The following IL3RA variants were observed in gnomAD, a reference collection of about 807,000 sequenced individuals.
The protein encoded by IL3RA is interleukin-3 receptor subunit alpha.
A neutral mutation model predicts 52.3 loss-of-function variants in IL3RA; 73 were observed. The observed-to-expected ratio is 1.40, with a 90% CI of 1.16 to 1.70. The LOEUF (loss-of-function observed/expected upper bound fraction) is 1.70, where lower values mean the gene tolerates loss of function less well. IL3RA is among the 40% of genes most tolerant of loss of function. The probability of loss-of-function intolerance (pLI) is 0.00; values close to 1 mark genes in which losing one functional copy is unlikely to be tolerated. For missense variants in IL3RA, 664 were observed against 504.4 expected, an observed-to-expected ratio of 1.32 and a Z score of -3.03; for synonymous variants, 260 against 194.0, an observed-to-expected ratio of 1.34 and a Z score of -2.83.
intron 10 of IL3RA, 57 bp from the exon 11 acceptor site, chrX:1,380,966 A>T (rs2089150160): frequency 7.0e-7 from 1 of 1,420,948 alleles, no homozygotes; most frequent in Non-Finnish European, 1.0e-6. Context: ...GCTGTGTCCC[A>T]GATGATGAGC....
intron 8 of IL3RA, among the ~76,000 whole-genome samples, chrX:1,362,649 G>T: frequency 6.6e-6 from 1 of 152,140 alleles, no homozygotes; most frequent in African/African-American, 2.4e-5. Context: ...ATGGACTAAT[G>T]AGGATCCTTC....
At chrX:1,368,630 C>G (rs1400806915) in intron 9 of IL3RA, among the ~76,000 whole-genome samples, 4 of 152,004 alleles carry the variant, frequency 2.6e-5, no homozygotes, top group African/African-American at 7.3e-5. Context: ...TAGGGTGGGC[C>G]CTAATCTAAC....
chrX:1,343,853 T>C (rs2148889909), intron 2 of IL3RA, among the ~76,000 whole-genome samples: 1 of 148,412 alleles, frequency 6.7e-6, no homozygotes, highest in African/African-American at 2.5e-5. Context: ...TGGAGTGCAG[T>C]GGCACGATCT....
chrX:1,347,657 A>G lies in IL3RA; in HGVS notation c.184-774A>G, dbSNP rs758854741. On this transcript the variant is annotated intron_variant, in intron 3 of 11. Coordinates refer to ENST00000331035, the MANE Select transcript of IL3RA (RefSeq NM_002183.4). The stretch of plus-strand genomic sequence containing the variant: ...AAGAAACAAAAAACAAACAAACAAG[A>G]AAAAAACAAAGCAAAACAAACAGAA... Among the ~76,000 whole-genome samples the G allele has an allele frequency of 3.3e-5, 5 of 151,860 alleles. No homozygotes were observed. The East Asian group carries it at 5.8e-4, about 18-fold the overall frequency.
Position 1,348,694 on chromosome X carries a change from T to TC in IL3RA, c.298+149_298+150insC, listed in dbSNP as rs1569520729. 1.8e-5 allele frequency: 5 copies of TC among 273,468 alleles called. No homozygotes were observed. The Admixed American group carries it at 2.8e-4, about 15-fold the overall frequency. 16.9% of individuals were successfully genotyped at this position (273,468 alleles called of 1,614,324 possible). ...TCTTTCTTTCTTTCTTTCTTTCTTT[T>TC]TCTTTCTTTCTGTTTCTGTTTCTTT... On this transcript the variant is annotated intron_variant, in intron 4 of 11. Transcript: ENST00000331035.
intron 3 of IL3RA, among the ~76,000 whole-genome samples, chrX:1,347,334 C>T (rs1276014099): frequency 6.6e-6 from 1 of 151,012 alleles, no homozygotes; most frequent in Non-Finnish European, 1.5e-5. Context: ...GTCCCAGCTA[C>T]TCGGGAGGCT....
At position 1,348,986 on chromosome X, in the gene IL3RA, T is replaced by C. The variant is rs1603443600; in HGVS notation, c.298+441T>C. ...TTCTCTCTCTCTCTCTTTCTCTCTT[T>C]CCCCCTCCCCTCCCTTCCCCTCCTC... On this transcript the variant is annotated intron_variant, in intron 4 of 11. Transcript: ENST00000331035. 5.4e-5 allele frequency among the ~76,000 whole-genome samples: 8 copies of C among 147,198 alleles called. No individual in the cohort carries two copies. In the South Asian group the frequency reaches 1.8e-3, roughly 32 times the overall value.
rs188976586 is a variant in IL3RA at position 1,346,123 on chromosome X, G to A, written c.183+689G>A. 2.6e-3 allele frequency among the ~76,000 whole-genome samples: 401 copies of A among 151,566 alleles called. 4 individuals carry two copies. Among genetic ancestry groups the A allele is most frequent in the South Asian group, 0.012 (55 of 4,780 alleles). ...AGGTCAGGAGTTCGAGACCAGTCTG[G>A]CCAACACGGTGAAACGCTGTCTCTG... is the stretch of plus-strand genomic sequence containing the variant. On this transcript the variant is annotated intron_variant, in intron 3 of 11. Coordinates refer to ENST00000331035, the MANE Select transcript of IL3RA (RefSeq NM_002183.4).
chrX:1,381,631 C>T (rs2089181884), intron 11 of IL3RA, among the ~76,000 whole-genome samples: 1 of 151,742 alleles, frequency 6.6e-6, no homozygotes, highest in African/African-American at 2.4e-5. Context: ...TCCACCTTCC[C>T]AGTCCAAGGT....
chrX:1,382,146 T>C (rs2089206556), intron 11 of IL3RA, among the ~76,000 whole-genome samples: 4 of 149,186 alleles, frequency 2.7e-5, no homozygotes. Flanking sequence ...AGAAGGGGTT[T>C]CACCATGTTG....
At chrX:1,380,995 G>C in intron 10 of IL3RA, 28 bp from the exon 11 acceptor site, 1 of 1,603,776 alleles carries the variant, frequency 6.2e-7, no homozygotes, top group Non-Finnish European at 8.5e-7. Context: ...TTTGGGTTCA[G>C]AGCTGGGCCA....
At chrX:1,378,817 A>T in intron 10 of IL3RA, 53 bp downstream of exon 10, 1 of 1,455,706 alleles carries the variant, frequency 6.9e-7, no homozygotes, top group South Asian at 1.1e-5. Flanking sequence ...GTGACCCTGA[A>T]AGTTATTCAC....
rs770030104 is a variant in IL3RA at position 1,378,689 on chromosome X, G to A, written c.905G>A (p.Arg302His). 26 of 1,612,580 alleles carry A rather than the reference G, an allele frequency of 1.6e-5. No homozygotes were observed. The highest frequency in any genetic ancestry group is 8.9e-5 in the East Asian group (4 of 44,900). ...ECDQEEGANT[R>H]AWRTSLLIAL... ...GACCAGGAGGAGGGCGCAAACACAC[G>A]TGCCTGGCGGACGTCGCTGCTGATC... Residue 302 changes from arginine (R) to histidine (H), a missense_variant, in exon 10 of 12, where the codon CGT (arginine) becomes CAT (histidine). By Grantham distance (29) the Arg-to-His change is conservative. Transcript: ENST00000331035.
rs2089228626 is a variant in IL3RA, at chrX:1,382,483, T to G, written c.*18T>G. On this transcript the variant is annotated 3_prime_UTR_variant, in exon 12 of 12. Coordinates refer to ENST00000331035, the MANE Select transcript of IL3RA (RefSeq NM_002183.4). ...AAACTTGAGACTGGGGTTCAGGGCT[T>G]GTGGGGGTCTGCCTCAATCTCCCTG... 1 of 1,611,216 alleles carries G rather than the reference T, an allele frequency of 6.2e-7. No homozygotes were observed. The highest frequency in any genetic ancestry group is 1.1e-5 in the South Asian group (1 of 91,032).
rs1287332228 is a variant in IL3RA, at chrX:1,353,496, A to AC, written c.616+996dup. On this transcript the variant is annotated intron_variant, in intron 6 of 11. Coordinates refer to ENST00000331035, the MANE Select transcript of IL3RA (RefSeq NM_002183.4). ...CATGGGTTCCATCATGAGTCATGGG[A>AC]CCCCCCATCATGGGTTCCACATGGG... 2.1e-4 allele frequency among the ~76,000 whole-genome samples: 31 copies of AC among 144,934 alleles called. No individual in the cohort carries two copies. The South Asian group carries it at 2.2e-3, about 10-fold the overall frequency.
chrX:1,360,461 T>C (rs1206248547), intron 8 of IL3RA, among the ~76,000 whole-genome samples: 9 of 151,188 alleles, frequency 6.0e-5, no homozygotes, highest in Non-Finnish European at 1.0e-4. Context: ...CTTGTCTATA[T>C]CTCCCCCTCT....
At chrX:1,341,155 C>T (rs1474584230) in intron 1 of IL3RA, among the ~76,000 whole-genome samples, 1 of 151,762 alleles carries the variant, frequency 6.6e-6, no homozygotes, top group Non-Finnish European at 1.5e-5. Context: ...CAAAAATTAG[C>T]CAGGCATGGT....
rs568601159 is a variant in IL3RA, at chrX:1,364,105, A to G, written c.760-1033A>G. On this transcript the variant is annotated intron_variant, in intron 8 of 11. Coordinates refer to ENST00000331035, the MANE Select transcript of IL3RA (RefSeq NM_002183.4). Reference sequence around the variant, plus strand: ...CGGGAGGCTGAGGCAGGAGAATGGCATGAACCCGGGAAGCGGAGCTTGCAG... The same window carrying G: ...CGGGAGGCTGAGGCAGGAGAATGGCGTGAACCCGGGAAGCGGAGCTTGCAG... Among the ~76,000 whole-genome samples the G allele has an allele frequency of 2.3e-4, 33 of 142,880 alleles. 1 individual carries two copies. In the South Asian group the frequency reaches 7.0e-3, roughly 31 times the overall value. The allele number at this position is 142,880 out of a possible 152,430, so 93.7% of individuals were successfully genotyped here.
chrX:1,380,690 AAGGGGGAGGAAG>A (rs1313122603), intron 10 of IL3RA, among the ~76,000 whole-genome samples: 1 of 71,026 alleles, frequency 1.4e-5, no homozygotes, highest in Non-Finnish European at 2.7e-5. Context: ...GAGGGAGGAA[AAGGGGGAGGAAG>A]AGGGGGACGA....
Sources: gnomAD v4.1 joint callset for allele counts (sites outside exome capture counted in the v4.1 genomes callset) on GRCh38, gnomAD v4.1.1 for gene constraint, MANE v1.5 for transcripts, NCBI Gene and HGNC (gene_info 2026-07-23, HGNC 2026-07-21) for gene names.